LPIN1: variants seen among roughly 807,000 people sequenced by gnomAD.
The protein encoded by LPIN1 is phosphatidate phosphatase LPIN1.
Under a neutral mutation model 107.5 loss-of-function variants are expected in LPIN1, and 71 were observed. That is an observed-to-expected ratio of 0.66 (90% CI 0.55 to 0.80). The LOEUF (loss-of-function observed/expected upper bound fraction) is 0.80, where lower values mean the gene tolerates loss of function less well. LPIN1 is among the 30% of genes least tolerant of loss of function. LPIN1 has a pLI of 0.00. For missense variants in LPIN1, 1,043 were observed against 1,160.6 expected, an observed-to-expected ratio of 0.90 and a Z score of 1.47; for synonymous variants, 445 against 452.6, an observed-to-expected ratio of 0.98 and a Z score of 0.21.
chr2:11,708,620 C>T (rs1456475550), intron 1 of LPIN1, among the ~76,000 whole-genome samples: 1 of 152,134 alleles, frequency 6.6e-6, no homozygotes, highest in Non-Finnish European at 1.5e-5. Flanking sequence ...CTCAATGGAG[C>T]AGGAGGCACA....
At chr2:11,708,393 C>G (rs1433523794) in intron 1 of LPIN1, among the ~76,000 whole-genome samples, 1 of 152,050 alleles carries the variant, frequency 6.6e-6, no homozygotes, top group Non-Finnish European at 1.5e-5. Flanking sequence ...GGTGGAGGGT[C>G]AACCTTCGAC....
At chr2:11,715,653 G>A (rs534696028) in intron 2 of LPIN1, among the ~76,000 whole-genome samples, 1 of 152,156 alleles carries the variant, frequency 6.6e-6, no homozygotes, top group Non-Finnish European at 1.5e-5. Flanking sequence ...TTGTGTGGGT[G>A]GGGGGTTCAG....
At position 11,779,397 on chromosome 2, in the gene LPIN1, C is replaced by T. The variant is rs999468631; in HGVS notation, c.831-122C>T. On this transcript the variant is annotated intron_variant, in intron 6 of 20. Coordinates refer to ENST00000674199, the MANE Select transcript of LPIN1 (RefSeq NM_001349206.2). ...GGAGGAGGGATTTGTCATGAGGCTC[C>T]GCTCAGAGCGAACGACAGCTGGGGG... 52 of 1,073,346 alleles carry T rather than the reference C, an allele frequency of 4.8e-5. No homozygotes were observed. The East Asian group carries it at 7.7e-4, about 16-fold the overall frequency. The allele number at this position is 1,073,346 out of a possible 1,614,324, so 66.5% of individuals were successfully genotyped here. A position where few individuals can be genotyped will look rare whatever the true frequency, so the allele number is the denominator to read the frequency against.
In LPIN1 at chr2:11,732,276, A is replaced by G. The variant is rs78189545; in HGVS notation, c.-72+7737A>G. The stretch of plus-strand genomic sequence containing the variant: ...TTGCCATTTGTTACCTATATTTATA[A>G]CAGAAAGAAATACTGCATTTCAGTT... On this transcript the variant is annotated intron_variant, in intron 1 of 21. Coordinates refer to the LPIN1 transcript ENST00000396097. 4.3e-3 allele frequency among the ~76,000 whole-genome samples: 658 copies of G among 152,340 alleles called. 6 individuals carry two copies. Among genetic ancestry groups the G allele is most frequent in the African/African-American group, 0.015 (620 of 41,580 alleles).
At chr2:11,735,785 T>C (rs16857840) in intron 1 of LPIN1, among the ~76,000 whole-genome samples, 5,470 of 152,290 alleles carry the variant, frequency 0.036, 324 homozygotes, top group African/African-American at 0.12. Context: ...AATGATATGA[T>C]TTGTTAGCAA....
chr2:11,783,161 C>T (rs1673859888), intron 8 of LPIN1, among the ~76,000 whole-genome samples: 1 of 152,128 alleles, frequency 6.6e-6, no homozygotes, highest in Admixed American at 6.6e-5. Context: ...ATTATATGGA[C>T]CAATTACATC....
intron 17 of LPIN1, among the ~76,000 whole-genome samples, chr2:11,810,297 C>A (rs959369317): frequency 6.6e-6 from 1 of 152,088 alleles, no homozygotes; most frequent in African/African-American, 2.4e-5. Flanking sequence ...AGAGGAGGCC[C>A]CTGTGAGAAG....
chr2:11,733,320 G>C (rs1665439644), intron 1 of LPIN1, among the ~76,000 whole-genome samples: 1 of 152,116 alleles, frequency 6.6e-6, no homozygotes, highest in African/African-American at 2.4e-5. Context: ...ATACATTGGA[G>C]CCTGGGCAGA....
intron 3 of LPIN1, among the ~76,000 whole-genome samples, chr2:11,769,001 A>G (rs188689774): frequency 6.7e-6 from 1 of 148,512 alleles, no homozygotes; most frequent in African/African-American, 2.4e-5. Flanking sequence ...TCCACCTTGT[A>G]GCCGTTGTAA....
chr2:11,781,394 G>A (rs986734004), intron 7 of LPIN1, among the ~76,000 whole-genome samples: 2 of 152,228 alleles, frequency 1.3e-5, no homozygotes, highest in African/African-American at 4.8e-5. Flanking sequence ...TGTAACCACA[G>A]ATTTTCTGTA....
chr2:11,821,549 C>T (rs1404378991), intron 20 of LPIN1, among the ~76,000 whole-genome samples: 1 of 152,140 alleles, frequency 6.6e-6, no homozygotes, highest in Admixed American at 6.5e-5. Flanking sequence ...CTTAGTGGCC[C>T]CAGATAGCCC....
chr2:11,686,431 G>A (rs1558716505), intron 1 of LPIN1, among the ~76,000 whole-genome samples: 1 of 152,190 alleles, frequency 6.6e-6, no homozygotes, highest in African/African-American at 2.4e-5. Context: ...GGAGAGGAGG[G>A]CTAGAACGCT....
At chr2:11,695,684 T>A (rs1322271011) in intron 1 of LPIN1, among the ~76,000 whole-genome samples, 1 of 152,170 alleles carries the variant, frequency 6.6e-6, no homozygotes, top group South Asian at 2.1e-4. Context: ...TTTTGTTTTA[T>A]TTTTGTTTTT....
Position 11,821,065 on chromosome 2 carries a change from G to A in LPIN1, c.2621+551G>A, listed in dbSNP as rs2577257. ...CTCTTGACTTTATCCTGTCCCCCTC[G>A]GGTTCCTAACTTATTAGGATGGAGA... On this transcript the variant is annotated intron_variant, in intron 20 of 20. Transcript: ENST00000674199. Among the ~76,000 whole-genome samples the A allele has an allele frequency of 3.6e-3, 547 of 152,220 alleles. 3 individuals are homozygous for A. The highest frequency in any genetic ancestry group is 0.012 in the African/African-American group (512 of 41,530).
In LPIN1 at chr2:11,771,653, G is replaced by A. The variant is rs1328464362; in HGVS notation, c.570G>A (p.Glu190=). ...DMFPIEMSSD[E]AMELLESSRT... ...TCCCCATCGAGATGAGCTCGGATGA[G>A]GCCATGGAGCTGCTGGAGAGCAGCA... The change falls in exon 4 of 21, where the codon GAG becomes GAA. Residue 190 remains glutamate, a synonymous_variant. Transcript: ENST00000674199. The surrounding 1 kb of genome is among the most constrained non-coding windows in gnomAD (Gnocchi z 4.8). 3 of 1,597,140 alleles carry A rather than the reference G, an allele frequency of 1.9e-6. No homozygotes were observed. The African/African-American group carries it at 4.0e-5, about 21-fold the overall frequency.
chr2:11,773,567 A>T, intron 4 of LPIN1, 53 bp from the exon 5 acceptor site: 1 of 1,536,972 alleles, frequency 6.5e-7, no homozygotes, highest in Non-Finnish European at 8.9e-7. Context: ...GAACTTGATT[A>T]TGAATCTATC....
intron 14 of LPIN1, among the ~76,000 whole-genome samples, chr2:11,796,105 C>T (rs1477797184): frequency 1.3e-5 from 2 of 152,208 alleles, no homozygotes; most frequent in Admixed American, 6.5e-5. Context: ...GAATGATTTG[C>T]GCTGTACCAT....
At chr2:11,686,623 G>A (rs1662017512) in intron 1 of LPIN1, among the ~76,000 whole-genome samples, 1 of 152,098 alleles carries the variant, frequency 6.6e-6, no homozygotes, top group African/African-American at 2.4e-5. Context: ...GGGCACCACG[G>A]GCAGAGCACA....
At chr2:11,781,671 T>A (rs1335676617) in intron 7 of LPIN1, among the ~76,000 whole-genome samples, 2 of 152,192 alleles carry the variant, frequency 1.3e-5, no homozygotes, top group Admixed American at 1.3e-4. Context: ...TGTAAATGTA[T>A]AGCTCAATAC....
Sources: gnomAD v4.1 joint callset for allele counts (sites outside exome capture counted in the v4.1 genomes callset) on GRCh38, gnomAD v4.1.1 for gene constraint, Gnocchi (gnomAD v3.1) non-coding constraint, MANE v1.5 for transcripts, NCBI Gene and HGNC (gene_info 2026-07-23, HGNC 2026-07-21) for gene names.